Variants in FBXO42 observed in about 807,000 individuals in gnomAD.
The protein encoded by FBXO42 is F-box protein 42, also known as F-box only protein 42.
Under a neutral mutation model 71.7 loss-of-function variants are expected in FBXO42, and 12 were observed. The observed-to-expected ratio is 0.17, with a 90% CI of 0.11 to 0.27. The LOEUF is 0.27. Ranked by LOEUF, FBXO42 falls within the 10% of genes least tolerant of loss-of-function variation. The pLI is 1.00. For missense variants in FBXO42, 707 were observed against 911.9 expected (o/e 0.78, Z 2.89); for synonymous variants, 325 against 327.5 (o/e 0.99, Z 0.08).
intron 1 of FBXO42, among the ~76,000 whole-genome samples, chr1:16,336,419 C>T (rs748912431): frequency 2.0e-5 from 3 of 151,326 alleles, no homozygotes; most frequent in South Asian, 2.1e-4. Flanking sequence ...GGAGCAGTGG[C>T]GTGATCTTGG....
chr1:16,253,409 G>A, intron 7 of FBXO42: 2 of 593,390 alleles, frequency 3.4e-6, no homozygotes, highest in East Asian at 2.9e-5. Flanking sequence ...GGATTCTCTT[G>A]AGAAATGACA....
At chr1:16,268,790 C>T (rs1042182447) in intron 4 of FBXO42, among the ~76,000 whole-genome samples, 1 of 151,958 alleles carries the variant, frequency 6.6e-6, no homozygotes, top group African/African-American at 2.4e-5. Context: ...ATGGAGAAAC[C>T]CCGTCTCTAC....
rs141939025 is a variant in FBXO42 at position 16,329,539 on chromosome 1, G to A, written c.-17-14104C>T. Among the ~76,000 whole-genome samples, 12 of 149,570 alleles carry A rather than the reference G, an allele frequency of 8.0e-5. No individual in the cohort carries two copies. The East Asian group carries it at 1.6e-3, about 20-fold the overall frequency. ...GCAGAGGTTGCAGTGAGCCAAGATC[G>A]CACCACTGCACTCCAGCCTGGGAGA... On this transcript the variant is annotated intron_variant, in intron 1 of 9. Coordinates refer to ENST00000375592, the MANE Select transcript of FBXO42 (RefSeq NM_018994.3).
rs2082400728 is a variant in FBXO42, at chr1:16,320,255, G to A, written c.-17-4820C>T. On this transcript the variant is annotated intron_variant, in intron 1 of 9. Coordinates refer to ENST00000375592, the MANE Select transcript of FBXO42 (RefSeq NM_018994.3). ...ACATGCCTGTAATCCCAGCTACTCG[G>A]GAGGCTGAGGCAGGAGAATCACTTG... Among the ~76,000 whole-genome samples the A allele has an allele frequency of 2.0e-5, 3 of 151,292 alleles. 1 individual carries two copies. In the South Asian group the frequency reaches 6.3e-4, roughly 32 times the overall value.
At chr1:16,346,307 A>G (rs2082653794) in intron 1 of FBXO42, among the ~76,000 whole-genome samples, 1 of 152,182 alleles carries the variant, frequency 6.6e-6, no homozygotes, top group South Asian at 2.1e-4. Flanking sequence ...CTAAATAGAA[A>G]ATATTCTAAG....
rs775964452 is a variant in FBXO42, at chr1:16,251,561, T to C, written c.1263A>G (p.Ser421=). ...LRPRAQRQTP[S]GSREGSLSPA... ...GGGAAAGGCTCCCTTCCCGGGAACCTGAAGGAGTCTGCCTTTGAGCCCTGG... is the reference window on the plus strand; with the variant it reads ...GGGAAAGGCTCCCTTCCCGGGAACCCGAAGGAGTCTGCCTTTGAGCCCTGG... The change falls in exon 10 of 10, where the codon TCA becomes TCG. Residue 421 remains serine, a synonymous_variant. Transcript: ENST00000375592. This position sits in a 1 kb window ranked among gnomAD's most constrained non-coding sequence, Gnocchi z 4.5. 8 of 1,614,108 alleles carry C rather than the reference T, an allele frequency of 5.0e-6. No homozygotes were observed. The highest frequency in any genetic ancestry group is 6.8e-6 in the Non-Finnish European group (8 of 1,179,994).
At chr1:16,265,666 A>C (rs1353460215) in intron 4 of FBXO42, among the ~76,000 whole-genome samples, 2 of 152,112 alleles carry the variant, frequency 1.3e-5, no homozygotes, top group Non-Finnish European at 2.9e-5. Flanking sequence ...AAAAGAAAAA[A>C]AAAAAGGCAA....
At chr1:16,349,885 T>A (rs11260733) in intron 1 of FBXO42, among the ~76,000 whole-genome samples, 50,080 of 152,028 alleles carry the variant, frequency 0.33, 8,665 homozygotes, top group African/African-American at 0.38. Context: ...AGTTAATTCA[T>A]TGACTAAAAC....
chr1:16,345,095 T>C (rs560945841), intron 1 of FBXO42, among the ~76,000 whole-genome samples: 136 of 151,762 alleles, frequency 9.0e-4, no homozygotes, highest in African/African-American at 3.1e-3. Context: ...TGAGACTCCG[T>C]CTCAAAAAAA....
In FBXO42 at chr1:16,305,720, AAAC is replaced by A. The variant is rs887557062; in HGVS notation, c.367+80_367+82del. On this transcript the variant is annotated intron_variant, in intron 3 of 9. Transcript: ENST00000375592. ...TAGAGTGAGACCTTGTCTCAAAAAC[AAAC>A]AAAAAAACATGCCACCAAACAAGTT... The A allele has an allele frequency of 2.5e-6, 3 of 1,217,486 alleles. No individual in the cohort carries two copies. The African/African-American group carries it at 4.5e-5, about 18-fold the overall frequency. 75.4% of individuals were successfully genotyped at this position (1,217,486 alleles called of 1,614,324 possible).
intron 4 of FBXO42, among the ~76,000 whole-genome samples, chr1:16,271,266 T>G (rs779545276): frequency 0.025 from 2,597 of 105,256 alleles, 43 homozygotes; most frequent in Non-Finnish European, 0.045. Context: ...TTGGTGTGTG[T>G]GTGTGTGTGT....
At chr1:16,327,999 C>G (rs1403939342) in intron 1 of FBXO42, among the ~76,000 whole-genome samples, 3 of 152,178 alleles carry the variant, frequency 2.0e-5, no homozygotes, top group Non-Finnish European at 2.9e-5. Flanking sequence ...CTTTGCCCAG[C>G]CAGGACAGTC....
chr1:16,266,782 C>T (rs917411576), intron 4 of FBXO42, among the ~76,000 whole-genome samples: 4 of 152,150 alleles, frequency 2.6e-5, no homozygotes, highest in Non-Finnish European at 5.9e-5. Context: ...ACCTCAACAG[C>T]AGGAGTTCAG....
chr1:16,330,986 T>C (rs1372414544), intron 1 of FBXO42, among the ~76,000 whole-genome samples: 6 of 151,876 alleles, frequency 4.0e-5, no homozygotes, highest in Non-Finnish European at 7.4e-5. Context: ...CTGGGCATGG[T>C]GGCGCGTGCC....
chr1:16,305,659 A>G, intron 3 of FBXO42, 144 bp downstream of exon 3: 1 of 687,252 alleles, frequency 1.5e-6, no homozygotes, highest in Non-Finnish European at 2.6e-6. Context: ...GGCTGTAGTA[A>G]GCTGTGATTA....
rs34904915 is a variant in FBXO42, at chr1:16,341,609, T to TAA, written c.-18+10644_-18+10645dup. Among the ~76,000 whole-genome samples the TAA allele has an allele frequency of 1.1e-4, 12 of 113,274 alleles. 1 individual carries two copies. The South Asian group carries it at 3.3e-3, about 31-fold the overall frequency. 74.3% of individuals were successfully genotyped at this position (113,274 alleles called of 152,430 possible). On this transcript the variant is annotated intron_variant, in intron 1 of 9. Coordinates refer to ENST00000375592, the MANE Select transcript of FBXO42 (RefSeq NM_018994.3). ...GGCAACCAAGTGAGACTGCGTCTTTTAAAAAAAAAAAAAAAAAAAAAAAAA... is the reference window on the plus strand; with the variant it reads ...GGCAACCAAGTGAGACTGCGTCTTTTAAAAAAAAAAAAAAAAAAAAAAAAAAA...
intron 3 of FBXO42, among the ~76,000 whole-genome samples, chr1:16,301,674 A>AG (rs1220539593): frequency 5.9e-4 from 82 of 139,110 alleles, no homozygotes; most frequent in African/African-American, 2.1e-3. Flanking sequence ...CCATCTCAAA[A>AG]AAAAAAAAAC....
Position 16,251,408 on chromosome 1 carries a change from T to C in FBXO42, c.1416A>G (p.Glu472=). Residue 472 remains glutamate, a synonymous_variant, in exon 10 of 10, where the codon GAA becomes GAG. Transcript: ENST00000375592. This position sits in a 1 kb window ranked among gnomAD's most constrained non-coding sequence, Gnocchi z 4.5. ...AAAGTCCTATTTTCAGGTCGTATCC[T>C]TCAGGAGCAGATGGAGTACTTGGAG... ...AISPSTPSAP[E]GYDLKIGLSL... 1 of 1,614,100 alleles carries C rather than the reference T, an allele frequency of 6.2e-7. No homozygotes were observed.
At chr1:16,319,446 A>G (rs1044993090) in intron 1 of FBXO42, among the ~76,000 whole-genome samples, 3 of 152,226 alleles carry the variant, frequency 2.0e-5, no homozygotes, top group African/African-American at 7.2e-5. Context: ...CAAAGTGGCT[A>G]TTAGAATCTT....
Sources: allele counts gnomAD v4.1 joint callset (sites outside exome capture counted in the v4.1 genomes callset), GRCh38; gene constraint gnomAD v4.1.1; non-coding constraint Gnocchi (gnomAD v3.1); transcripts MANE v1.5; gene names NCBI Gene and HGNC (gene_info 2026-07-23, HGNC 2026-07-21).